ABCA5: variants seen among roughly 807,000 people sequenced by gnomAD.
The protein encoded by ABCA5 is ATP binding cassette subfamily A member 5.
A neutral mutation model predicts 206.0 loss-of-function variants in ABCA5; 163 were observed. The observed-to-expected ratio is 0.79, with a 90% CI of 0.70 to 0.90. ABCA5 has a LOEUF of 0.90. ABCA5 is among the 40% of genes least tolerant of loss of function. ABCA5 has a pLI of 0.00. For synonymous variants in ABCA5, 609 were observed against 613.8 expected, an observed-to-expected ratio of 0.99 and a Z score of 0.11; for missense variants, 1,859 against 1,912.9, an observed-to-expected ratio of 0.97 and a Z score of 0.53.
chr17:69,259,092 G>C (rs74611012), intron 28 of ABCA5, among the ~76,000 whole-genome samples: 3,114 of 152,008 alleles, frequency 0.02, 43 homozygotes, highest in Non-Finnish European at 0.032. Flanking sequence ...ATCCACCCAA[G>C]AGAAATGAAA....
chr17:69,324,293 A>C (rs978073713), intron 1 of ABCA5, among the ~76,000 whole-genome samples: 12 of 152,222 alleles, frequency 7.9e-5, no homozygotes, highest in Non-Finnish European at 1.6e-4. Flanking sequence ...GTGGAATGGA[A>C]TTTCCAGGCA....
intron 7 of ABCA5, among the ~76,000 whole-genome samples, chr17:69,303,334 T>A (rs1018234936): frequency 2.6e-5 from 4 of 152,074 alleles, no homozygotes; most frequent in Admixed American, 2.6e-4. Context: ...CCCAGGCTGG[T>A]CTCAAACTCC....
In ABCA5 at chr17:69,246,529, G is replaced by T. The variant is rs1356376485; in HGVS notation, c.*1008C>A. The T allele has an allele frequency of 6.6e-6, 1 of 151,894 alleles. No individual in the cohort carries two copies. Among genetic ancestry groups the T allele is most frequent in the Non-Finnish European group, 1.5e-5 (1 of 67,826 alleles). The allele number at this position is 151,894 out of a possible 1,614,324, so 9.4% of individuals were successfully genotyped here. A position where few individuals can be genotyped will look rare whatever the true frequency, so the allele number is the denominator to read the frequency against. ...ACAATTCTTAATTTAACCCTTGAAA[G>T]AGTTTATTCATATCCTACCATGTTC... is the stretch of plus-strand genomic sequence containing the variant. On this transcript the variant is annotated 3_prime_UTR_variant, in exon 39 of 39. Transcript: ENST00000392676.
intron 1 of ABCA5, chr17:69,318,784 T>C (rs1303604003): frequency 3.2e-5 from 22 of 693,928 alleles, no homozygotes; most frequent in Non-Finnish European, 5.1e-5. Context: ...CAAAAAGTTA[T>C]CATTGAAAAT....
chr17:69,284,039 A>G lies in ABCA5; in HGVS notation c.2306T>C (p.Leu769Ser). ...GGAAACACCATAAGAAATGACACCC[A>G]AATTTGAATGACTGTCTAGGGCAGA... ...LFSALDSHSN[L>S]GVISYGVSMT... The change falls in exon 18 of 39, where the codon TTG becomes TCG. Residue 769 changes from leucine (L) to serine (S), a missense_variant. Transcript: ENST00000392676. 1 of 1,606,692 alleles carries G rather than the reference A, an allele frequency of 6.2e-7. No individual in the cohort carries two copies. Among genetic ancestry groups the G allele is most frequent in the Non-Finnish European group, 8.5e-7 (1 of 1,176,930 alleles).
At chr17:69,292,830 A>G (rs191469834) in intron 11 of ABCA5, among the ~76,000 whole-genome samples, 252 of 152,354 alleles carry the variant, frequency 1.7e-3, no homozygotes, top group African/African-American at 5.9e-3. Flanking sequence ...GGCAAGCCTC[A>G]GACTGAGATC....
chr17:69,291,942 G>A (rs940360043), intron 11 of ABCA5, among the ~76,000 whole-genome samples: 3 of 151,894 alleles, frequency 2.0e-5, no homozygotes, highest in East Asian at 1.9e-4. Context: ...GCGAAATCCC[G>A]TCTCTACAAA....
chr17:69,280,185 A>G (rs2075376941), intron 18 of ABCA5, among the ~76,000 whole-genome samples: 1 of 152,152 alleles, frequency 6.6e-6, no homozygotes, highest in Non-Finnish European at 1.5e-5. Context: ...ACAAATTTAC[A>G]AGAAAAAAAC....
rs1239592788 is a variant in ABCA5 at position 69,271,269 on chromosome 17, T to C, written c.2785A>G (p.Ile929Val). 6.2e-7 allele frequency: 1 copy of C among 1,612,356 alleles called. No individual in the cohort carries two copies. The highest frequency in any genetic ancestry group is 8.5e-7 in the Non-Finnish European group (1 of 1,179,298). Residue 929 changes from isoleucine to valine, a missense_variant, in exon 21 of 39, where the codon ATT becomes GTT. Transcript: ENST00000392676. ...ATGTTCTGGCTTGTGAAAAAGCTAA[T>C]AAGATCACTGATATCTGAGTCTGGT... ...NSADSDISDL[I>V]SFFTSQNIMV...
chr17:69,265,605 C>T (rs2075199132), intron 23 of ABCA5, among the ~76,000 whole-genome samples: 1 of 151,862 alleles, frequency 6.6e-6, no homozygotes. Context: ...ATATCTACTC[C>T]TAATAACTGA....
rs371702084 is a variant in ABCA5 at position 69,285,890 on chromosome 17, A to G, written c.2272+8T>C. On this transcript the variant is annotated splice_region_variant and intron_variant, in intron 17 of 38. Coordinates refer to ENST00000392676, the MANE Select transcript of ABCA5 (RefSeq NM_172232.4). ...TTCAAACACCAAGAGACTTAAAGTA[A>G]GTAATACCTGAAAATTTGTCCATGT... 1.2e-5 allele frequency: 19 copies of G among 1,608,784 alleles called. No individual in the cohort carries two copies. In the African/African-American group the frequency reaches 2.5e-4, roughly 22 times the overall value.
intron 12 of ABCA5, 123 bp from the exon 13 acceptor site, chr17:69,290,160 T>G: frequency 1.6e-6 from 1 of 626,560 alleles, no homozygotes; most frequent in Non-Finnish European, 2.5e-6. Context: ...AATATAAATT[T>G]ACAAGGCACA....
chr17:69,318,893 C>T (rs2075840428), intron 1 of ABCA5: 2 of 694,758 alleles, frequency 2.9e-6, no homozygotes, highest in Non-Finnish European at 2.7e-6. Flanking sequence ...TAGTGGGCAA[C>T]AGAACAATAT....
At chr17:69,302,409 G>C (rs977911378) in intron 8 of ABCA5, among the ~76,000 whole-genome samples, 4 of 151,978 alleles carry the variant, frequency 2.6e-5, no homozygotes, top group Non-Finnish European at 2.9e-5. Context: ...CCAGGCCATA[G>C]GCAATAAGAA....
chr17:69,268,773 G>A lies in ABCA5; in HGVS notation c.3031-717C>T, dbSNP rs200761392. ...GGAATAGAATCCGCAGTGCCTAGCAGATACCCTCGCACTGGCACACCCCTC... is the reference window on the plus strand; with the variant it reads ...GGAATAGAATCCGCAGTGCCTAGCAAATACCCTCGCACTGGCACACCCCTC... On this transcript the variant is annotated intron_variant, in intron 22 of 38. Transcript: ENST00000392676. 3 of 152,214 alleles carry A rather than the reference G, an allele frequency of 2.0e-5. No homozygotes were observed. The East Asian group carries it at 5.8e-4, about 29-fold the overall frequency. 9.4% of individuals were successfully genotyped at this position (152,214 alleles called of 1,614,324 possible). A position where few individuals can be genotyped will look rare whatever the true frequency, so the allele number is the denominator to read the frequency against.
rs1311829425 is a variant in ABCA5, at chr17:69,251,775, C to T, written c.4507G>A (p.Val1503Ile). 1 of 1,614,064 alleles carries T rather than the reference C, an allele frequency of 6.2e-7. No individual in the cohort carries two copies. The highest frequency in any genetic ancestry group is 1.1e-5 in the South Asian group (1 of 91,064). ...MEEAEAVCDR[V>I]AIMVSGQLRC... ...AACTGCCCAGACACCATGATAGCTA[C>T]TCGATCACAGACAGCCTCTGCCTCC... Residue 1503 changes from valine to isoleucine, a missense_variant, in exon 35 of 39, where the codon GTA becomes ATA. Transcript: ENST00000392676.
At chr17:69,277,569 A>AT in intron 19 of ABCA5, 72 bp downstream of exon 19, 1 of 1,210,486 alleles carries the variant, frequency 8.3e-7, no homozygotes, top group Non-Finnish European at 1.1e-6. Flanking sequence ...CATTTTAAAA[A>AT]TTAAGATGGT....
At chr17:69,284,591 C>T (rs542306536) in intron 17 of ABCA5, among the ~76,000 whole-genome samples, 13 of 151,970 alleles carry the variant, frequency 8.6e-5, no homozygotes, top group African/African-American at 3.1e-4. Flanking sequence ...AAACCTATTA[C>T]GGGTTAACAC....
At chr17:69,285,807 C>T in intron 17 of ABCA5, 91 bp downstream of exon 17, 1 of 1,349,278 alleles carries the variant, frequency 7.4e-7, no homozygotes, top group Non-Finnish European at 1.0e-6. Context: ...GGCAATACTA[C>T]ATGGAGAAGG....
Sources: gnomAD v4.1 joint callset for allele counts (sites outside exome capture counted in the v4.1 genomes callset) on GRCh38, gnomAD v4.1.1 for gene constraint, MANE v1.5 for transcripts, NCBI Gene and HGNC (gene_info 2026-07-23, HGNC 2026-07-21) for gene names.